SCN4A: variants seen among roughly 807,000 people sequenced by gnomAD.
The protein encoded by SCN4A is sodium voltage-gated channel alpha subunit 4.
Under a neutral mutation model 162.0 loss-of-function variants are expected in SCN4A, and 83 were observed. The observed-to-expected ratio is 0.51, with a 90% CI of 0.43 to 0.61. The LOEUF is 0.61. Among genes scored for constraint, SCN4A ranks in the 20% least tolerant of loss-of-function variants. The pLI, the probability that SCN4A is intolerant of heterozygous loss-of-function variation, is 0.00. For missense variants in SCN4A, 2,196 were observed against 2,462.5 expected, an observed-to-expected ratio of 0.89 and a Z score of 2.29; for synonymous variants, 944 against 985.1, an observed-to-expected ratio of 0.96 and a Z score of 0.78.
In SCN4A at chr17:63,948,773, G is replaced by C. The variant is rs369430465; in HGVS notation, c.2990-8C>G. The C allele has an allele frequency of 1.2e-5, 19 of 1,593,644 alleles. No individual in the cohort carries two copies. The highest frequency in any genetic ancestry group is 1.6e-5 in the Non-Finnish European group (19 of 1,166,618). Reference sequence around the variant, plus strand: ...GCCAGCGCTGCACGCAGGCTGATGGGGTGAGGGGGGACAGGGACAGGCACC... The same window carrying C: ...GCCAGCGCTGCACGCAGGCTGATGGCGTGAGGGGGGACAGGGACAGGCACC... On this transcript the variant is annotated splice_region_variant and splice_polypyrimidine_tract_variant and intron_variant, in intron 15 of 23. Coordinates refer to ENST00000435607, the MANE Select transcript of SCN4A (RefSeq NM_000334.4).
At position 63,940,625 on chromosome 17, in the gene SCN4A, C is replaced by T; in HGVS notation, c.*146G>A. 3 of 993,802 alleles carry T rather than the reference C, an allele frequency of 3.0e-6. No homozygotes were observed. The highest frequency in any genetic ancestry group is 4.3e-6 in the Non-Finnish European group (3 of 703,638). The allele number at this position is 993,802 out of a possible 1,614,324, so 61.6% of individuals were successfully genotyped here. A position where few individuals can be genotyped will look rare whatever the true frequency, so the allele number is the denominator to read the frequency against. On this transcript the variant is annotated 3_prime_UTR_variant, in exon 24 of 24. Transcript: ENST00000435607. ...GCAGGCGCTCGGGCCTGGGTGTCAG[C>T]CCCAGTGTGGCCAAATCCTGTCCCC...
chr17:63,967,966 G>T, intron 6 of SCN4A, 57 bp downstream of exon 6: 1 of 1,396,780 alleles, frequency 7.2e-7, no homozygotes, highest in Non-Finnish European at 1.0e-6. Context: ...TGGAGTCAGA[G>T]GCTACCCTAG....
In SCN4A at chr17:63,972,796, A is replaced by G; in HGVS notation, c.46T>C (p.Cys16Arg). Residue 16 changes from cysteine (C) to arginine (R), a missense_variant, in exon 1 of 24, where the codon TGC (cysteine) becomes CGC (arginine). By Grantham distance (180) the Cys-to-Arg change is radical. Transcript: ENST00000435607. This position sits in a 1 kb window ranked among gnomAD's most constrained non-coding sequence, Gnocchi z 4.3. ...GACTCCCGGGTGAAGGGGCGCAAGC[A>G]CTCAGGGCCCAGAGGCACCAGGGTG... ...LCTLVPLGPECLRPFTRESLA... is the reference protein window; with the variant it reads ...LCTLVPLGPERLRPFTRESLA... 1 of 1,613,594 alleles carries G rather than the reference A, an allele frequency of 6.2e-7. No homozygotes were observed. Among genetic ancestry groups the G allele is most frequent in the Non-Finnish European group, 8.5e-7 (1 of 1,179,770 alleles).
At chr17:63,971,620 G>A (rs766898719) in intron 4 of SCN4A, 102 bp downstream of exon 4, 290 of 1,069,072 alleles carry the variant, frequency 2.7e-4, no homozygotes, top group Non-Finnish European at 3.6e-4. Context: ...ACAACTGACC[G>A]ATGTCCCCTG....
chr17:63,966,296 G>A (rs556599446), intron 7 of SCN4A, 53 bp from the exon 8 acceptor site: 2 of 1,560,484 alleles, frequency 1.3e-6, no homozygotes, highest in East Asian at 2.3e-5. Flanking sequence ...CTCCAGCTGG[G>A]GGCAGATAGG....
At chr17:63,955,033 C>T (rs146430227) in intron 13 of SCN4A, among the ~76,000 whole-genome samples, 32 of 152,270 alleles carry the variant, frequency 2.1e-4, no homozygotes, top group Admixed American at 2.0e-3. Flanking sequence ...GTGAAGCACC[C>T]AGAATGCTGG....
chr17:63,971,401 G>T (rs543581907), intron 4 of SCN4A, 148 bp from the exon 5 acceptor site: 10 of 647,598 alleles, frequency 1.5e-5, no homozygotes, highest in African/African-American at 5.4e-5. Flanking sequence ...CACCCCCAAA[G>T]CTCCTCTGGG....
At chr17:63,959,481 C>T (rs2144795827) in intron 11 of SCN4A, 43 bp from the exon 12 acceptor site, 1 of 1,590,144 alleles carries the variant, frequency 6.3e-7, no homozygotes, top group Non-Finnish European at 8.6e-7. Flanking sequence ...CTCGGGGAGC[C>T]CAGGGCCCTG....
rs41280104 is a variant in SCN4A at position 63,951,724 on chromosome 17, G to A, written c.2553C>T (p.Pro851=). The change falls in exon 14 of 24, where the codon CCC becomes CCT. Residue 851 remains proline, a synonymous_variant. Coordinates refer to ENST00000435607, the MANE Select transcript of SCN4A (RefSeq NM_000334.4). This position sits in a 1 kb window ranked among gnomAD's most constrained non-coding sequence, Gnocchi z 4.5. Reference sequence around the variant, plus strand: ...CCCCGAGGCTGAGCATGATGTCCTTGGGGCTCAGGATCTTGCCATGCAGCA... The same window carrying A: ...CCCCGAGGCTGAGCATGATGTCCTTAGGGCTCAGGATCTTGCCATGCAGCA... ...LGLLHGKILS[P]KDIMLSLGEA... 16 of 1,593,510 alleles carry A rather than the reference G, an allele frequency of 1.0e-5. No homozygotes were observed. The highest frequency in any genetic ancestry group is 1.4e-5 in the Non-Finnish European group (16 of 1,169,830).
At chr17:63,949,325 G>A in intron 15 of SCN4A, 68 bp downstream of exon 15, 1 of 1,486,496 alleles carries the variant, frequency 6.7e-7, no homozygotes, top group South Asian at 1.3e-5. Flanking sequence ...TGGTCCTGGT[G>A]TAGCCTGCCC....
At position 63,964,579 on chromosome 17, in the gene SCN4A, G is replaced by T. The variant is rs1255590243; in HGVS notation, c.1341C>A (p.Ala447=). The change falls in exon 9 of 24, where the codon GCC becomes GCA. Residue 447 remains alanine, a synonymous_variant. Coordinates refer to ENST00000435607, the MANE Select transcript of SCN4A (RefSeq NM_000334.4). ...YLINLILAVV[A]MAYAEQNEAT... ...CCTCATTCTGCTCGGCATATGCCAT[G>T]GCCACCACGGCCAGGATCAGATTGA... The T allele has an allele frequency of 6.2e-7, 1 of 1,613,806 alleles. No individual in the cohort carries two copies. The highest frequency in any genetic ancestry group is 1.7e-5 in the Admixed American group (1 of 59,986).
chr17:63,940,730 G>A lies in SCN4A; in HGVS notation c.*41C>T. 1 of 1,524,492 alleles carries A rather than the reference G, an allele frequency of 6.6e-7. No individual in the cohort carries two copies. 94.4% of individuals were successfully genotyped at this position (1,524,492 alleles called of 1,614,324 possible). A position where few individuals can be genotyped will look rare whatever the true frequency, so the allele number is the denominator to read the frequency against. On this transcript the variant is annotated 3_prime_UTR_variant, in exon 24 of 24. Coordinates refer to ENST00000435607, the MANE Select transcript of SCN4A (RefSeq NM_000334.4). ...TGCAGGCACCACGGGGGAGCTCTGG[G>A]GACTATGCCGAGACTCAGTGGGCCA... is the stretch of plus-strand genomic sequence containing the variant.
chr17:63,945,756 C>T lies in SCN4A; in HGVS notation c.3442-118G>A. 9.0e-7 allele frequency: 1 copy of T among 1,112,796 alleles called. No individual in the cohort carries two copies. The highest frequency in any genetic ancestry group is 1.3e-6 in the Non-Finnish European group (1 of 766,962). 68.9% of individuals were successfully genotyped at this position (1,112,796 alleles called of 1,614,324 possible). ...GGCATTGTCAATTAGGGAGGGCTTC[C>T]TAGAGGAGGGCCGACCTGCTGGGCT... On this transcript the variant is annotated intron_variant, in intron 18 of 23. Coordinates refer to ENST00000435607, the MANE Select transcript of SCN4A (RefSeq NM_000334.4). This position sits in a 1 kb window ranked among gnomAD's most constrained non-coding sequence, Gnocchi z 4.4.
rs1311338458 is a variant in SCN4A at position 63,950,734 on chromosome 17, G to GTCAGCC, written c.2853+684_2853+689dup. Among the ~76,000 whole-genome samples, 10 of 152,220 alleles carry GTCAGCC rather than the reference G, an allele frequency of 6.6e-5. No homozygotes were observed. Among genetic ancestry groups the GTCAGCC allele is most frequent in the South Asian group, 4.1e-4 (2 of 4,828 alleles). On this transcript the variant is annotated intron_variant, in intron 14 of 23. Transcript: ENST00000435607. This position sits in a 1 kb window ranked among gnomAD's most constrained non-coding sequence, Gnocchi z 4.6. ...GAAGGGGGCTCAAGACCCAGGCAGG[G>GTCAGCC]TCAGCCTCAGCCTCAGCCTCAGCTG...
intron 22 of SCN4A, among the ~76,000 whole-genome samples, chr17:63,943,346 T>C (rs1419114332): frequency 2.4e-5 from 1 of 42,456 alleles, no homozygotes; most frequent in Admixed American, 2.0e-4. Flanking sequence ...GGTCCTCCCT[T>C]CAAGATCCCC....
chr17:63,953,782 T>C (rs1908989382), intron 13 of SCN4A, among the ~76,000 whole-genome samples: 1 of 152,222 alleles, frequency 6.6e-6, no homozygotes, highest in African/African-American at 2.4e-5. Flanking sequence ...CAGCATTTTA[T>C]AGATGAGTAA....
Position 63,941,169 on chromosome 17 carries a change from A to G in SCN4A, c.5113T>C (p.Phe1705Leu). The G allele has an allele frequency of 6.2e-7, 1 of 1,613,436 alleles. No homozygotes were observed. The highest frequency in any genetic ancestry group is 1.1e-5 in the South Asian group (1 of 91,030). ...DALKQTMEEK[F>L]MAANPSKVSY... ...ACCTTGGAGGGGTTGGCTGCCATGAACTTCTCCTCCATGGTCTGCTTGAGG... is the reference window on the plus strand; with the variant it reads ...ACCTTGGAGGGGTTGGCTGCCATGAGCTTCTCCTCCATGGTCTGCTTGAGG... Residue 1705 changes from phenylalanine to leucine, a missense_variant, in exon 24 of 24, where the codon TTC (phenylalanine) becomes CTC (leucine). Transcript: ENST00000435607. This position sits in a 1 kb window ranked among gnomAD's most constrained non-coding sequence, Gnocchi z 6.2.
intron 23 of SCN4A, 25 bp downstream of exon 23, chr17:63,942,801 T>C (rs973258764): frequency 2.0e-5 from 32 of 1,605,594 alleles, no homozygotes; most frequent in Non-Finnish European, 2.7e-5. Context: ...AGTGCTGCCC[T>C]GCCGGTCCAG....
In SCN4A at chr17:63,944,572, G is replaced by T; in HGVS notation, c.3912+101C>A. ...TGCCTGAACCAACAACCTGGTAGGT[G>T]CTCAGGCAGCGTTTGTGGGTTTGTG... On this transcript the variant is annotated intron_variant, in intron 21 of 23. Transcript: ENST00000435607. The surrounding 1 kb of genome is among the most constrained non-coding windows in gnomAD (Gnocchi z 4.3). 7.5e-7 allele frequency: 1 copy of T among 1,336,528 alleles called. No individual in the cohort carries two copies. The highest frequency in any genetic ancestry group is 1.0e-6 in the Non-Finnish European group (1 of 975,926). The allele number at this position is 1,336,528 out of a possible 1,614,324, so 82.8% of individuals were successfully genotyped here. A position where few individuals can be genotyped will look rare whatever the true frequency, so the allele number is the denominator to read the frequency against.
Sources: allele counts gnomAD v4.1 joint callset (sites outside exome capture counted in the v4.1 genomes callset), GRCh38; gene constraint gnomAD v4.1.1; non-coding constraint Gnocchi (gnomAD v3.1); transcripts MANE v1.5; gene names NCBI Gene and HGNC (gene_info 2026-07-23, HGNC 2026-07-21).